Variants in TBC1D22A observed in about 807,000 individuals in gnomAD.
TBC1D22A encodes TBC1 domain family member 22A, also known as putative GTPase activator.
A neutral mutation model predicts 60.2 loss-of-function variants in TBC1D22A; 38 were observed. The observed-to-expected ratio is 0.63, with a 90% CI of 0.49 to 0.83. TBC1D22A has a LOEUF of 0.83. TBC1D22A is among the 40% of genes least tolerant of loss of function. TBC1D22A has a pLI of 0.00. For missense variants in TBC1D22A, 628 were observed against 701.0 expected, an observed-to-expected ratio of 0.90 and a Z score of 1.18; for synonymous variants, 302 against 281.7, an observed-to-expected ratio of 1.07 and a Z score of -0.72.
chr22:47,053,967 A>G (rs937995577), intron 11 of TBC1D22A, among the ~76,000 whole-genome samples: 2 of 152,234 alleles, frequency 1.3e-5, no homozygotes, highest in Admixed American at 6.5e-5. Flanking sequence ...TCTGTTGTAC[A>G]GAGGAGGAAA....
chr22:47,135,178 G>A (rs1451914792), intron 12 of TBC1D22A, among the ~76,000 whole-genome samples: 5 of 150,172 alleles, frequency 3.3e-5, no homozygotes, highest in African/African-American at 1.3e-4. Flanking sequence ...GAGCCCACCT[G>A]TGGGCAGCCG....
Position 47,057,219 on chromosome 22 carries a change from G to A in TBC1D22A, c.1329+20021G>A, listed in dbSNP as rs549801513. On this transcript the variant is annotated intron_variant, in intron 11 of 12. Transcript: ENST00000337137. The stretch of plus-strand genomic sequence containing the variant: ...CTTCCTCAGTCAGGTTGAGGCTGCC[G>A]CAAATGAGCGCTGGGCAGCTGGCTG... 3.3e-5 allele frequency among the ~76,000 whole-genome samples: 5 copies of A among 152,282 alleles called. No individual in the cohort carries two copies. The East Asian group carries it at 7.7e-4, about 24-fold the overall frequency.
At chr22:46,991,938 C>T (rs1457531679) in intron 9 of TBC1D22A, among the ~76,000 whole-genome samples, 1 of 152,200 alleles carries the variant, frequency 6.6e-6, no homozygotes, top group African/African-American at 2.4e-5. Flanking sequence ...AGACCTCACA[C>T]CCTCCAAGTG....
chr22:47,134,672 G>A (rs1295746762), intron 12 of TBC1D22A, among the ~76,000 whole-genome samples: 6 of 149,618 alleles, frequency 4.0e-5, no homozygotes, highest in Non-Finnish European at 6.0e-5. Context: ...ACGAGGCTGC[G>A]TCCTCTTGTC....
At chr22:47,171,871 C>G (rs912933609) in intron 12 of TBC1D22A, among the ~76,000 whole-genome samples, 3 of 152,100 alleles carry the variant, frequency 2.0e-5, no homozygotes, top group Non-Finnish European at 4.4e-5. Flanking sequence ...TGGAGACAGT[C>G]GCCCATGTGT....
At chr22:47,021,215 G>C (rs942092106) in intron 10 of TBC1D22A, among the ~76,000 whole-genome samples, 1 of 150,254 alleles carries the variant, frequency 6.7e-6, no homozygotes, top group Non-Finnish European at 1.5e-5. Context: ...CCTGAGCAGG[G>C]AACCTAGCAG....
At chr22:46,860,730 G>A (rs1017845817) in intron 4 of TBC1D22A, among the ~76,000 whole-genome samples, 1 of 152,188 alleles carries the variant, frequency 6.6e-6, no homozygotes, top group African/African-American at 2.4e-5. Context: ...GGCGACAGGC[G>A]TCCTGGAGAC....
chr22:47,122,792 C>T (rs563343842), intron 12 of TBC1D22A, among the ~76,000 whole-genome samples: 6 of 152,358 alleles, frequency 3.9e-5, no homozygotes, highest in African/African-American at 1.4e-4. Flanking sequence ...CACCCGTCCC[C>T]TGGCCTCGGA....
Position 47,030,850 on chromosome 22 carries a change from C to CTTAAA in TBC1D22A, c.1202-6221_1202-6220insTTAAA, listed in dbSNP as rs1396080846. On this transcript the variant is annotated intron_variant, in intron 10 of 12. Coordinates refer to ENST00000337137, the MANE Select transcript of TBC1D22A (RefSeq NM_014346.5). ...ATGGGAAGTAATGCCTGGAGTTTAGCAGCCCATCCTTCACCGTGCCCAGAC... is the reference window on the plus strand; with the variant it reads ...ATGGGAAGTAATGCCTGGAGTTTAGCTTAAAAGCCCATCCTTCACCGTGCCCAGAC... Among the ~76,000 whole-genome samples, 3 of 152,256 alleles carry CTTAAA rather than the reference C, an allele frequency of 2.0e-5. No homozygotes were observed. The South Asian group carries it at 6.2e-4, about 31-fold the overall frequency.
In TBC1D22A at chr22:47,009,265, C is replaced by T. The variant is rs1369606463; in HGVS notation, c.1201+11556C>T. ...TCATCACCATCAGCATCATCATCAC[C>T]ATCATCATGATTGTCATCACCAGCA... is the stretch of plus-strand genomic sequence containing the variant. On this transcript the variant is annotated intron_variant, in intron 10 of 12. Transcript: ENST00000337137. This position sits in a 1 kb window ranked among gnomAD's most constrained non-coding sequence, Gnocchi z 5.8. Among the ~76,000 whole-genome samples the T allele has an allele frequency of 5.3e-5, 8 of 152,218 alleles. No individual in the cohort carries two copies. Among genetic ancestry groups the T allele is most frequent in the African/African-American group, 1.9e-4 (8 of 41,534 alleles).
intron 1 of TBC1D22A, among the ~76,000 whole-genome samples, chr22:46,771,313 C>T (rs1193728029): frequency 6.6e-6 from 1 of 152,080 alleles, no homozygotes; most frequent in South Asian, 2.1e-4. Flanking sequence ...GACCACTTGT[C>T]TGTTTTTCTT....
chr22:46,792,683 GA>G, intron 2 of TBC1D22A, 107 bp downstream of exon 2: 4 of 1,606,326 alleles, frequency 2.5e-6, no homozygotes, highest in Non-Finnish European at 3.4e-6. Context: ...CCTCAGGGAG[GA>G]GACTGGTTTC....
At chr22:46,789,848 CTT>C (rs1769594627) in intron 1 of TBC1D22A, among the ~76,000 whole-genome samples, 1 of 152,060 alleles carries the variant, frequency 6.6e-6, no homozygotes, top group African/African-American at 2.4e-5. Flanking sequence ...GGATTGAAAA[CTT>C]AAGGGTAGGA....
At chr22:47,166,881 T>C (rs546575819) in intron 12 of TBC1D22A, among the ~76,000 whole-genome samples, 74 of 152,336 alleles carry the variant, frequency 4.9e-4, no homozygotes, top group African/African-American at 1.7e-3. Flanking sequence ...AGCTGCAGTG[T>C]GGGGGATGCC....
At chr22:46,888,436 T>C (rs574191875) in intron 5 of TBC1D22A, among the ~76,000 whole-genome samples, 1 of 152,244 alleles carries the variant, frequency 6.6e-6, no homozygotes, top group South Asian at 2.1e-4. Context: ...GATGTATTTG[T>C]TCATTCAGTC....
At chr22:46,834,452 G>C (rs2213757) in intron 4 of TBC1D22A, among the ~76,000 whole-genome samples, 63,920 of 151,560 alleles carry the variant, frequency 0.42, 13,400 homozygotes, top group South Asian at 0.46. Context: ...ACCCCTCCCT[G>C]AAGGCAGCAT....
At chr22:46,834,738 T>C (rs2086445886) in intron 4 of TBC1D22A, among the ~76,000 whole-genome samples, 1 of 152,214 alleles carries the variant, frequency 6.6e-6, no homozygotes, top group African/African-American at 2.4e-5. Flanking sequence ...AAGAGGCTAG[T>C]CCACAAATTT....
chr22:47,060,110 A>G (rs972334384), intron 11 of TBC1D22A, among the ~76,000 whole-genome samples: 1 of 152,116 alleles, frequency 6.6e-6, no homozygotes, highest in Non-Finnish European at 1.5e-5. Flanking sequence ...TTGTTGGTGC[A>G]TGTTTTATGC....
chr22:47,119,642 A>G (rs1156723703), intron 12 of TBC1D22A, among the ~76,000 whole-genome samples: 1 of 151,990 alleles, frequency 6.6e-6, no homozygotes, highest in East Asian at 1.9e-4. Context: ...GACTACAGGC[A>G]CGTGGCAGCA....
Sources: gnomAD v4.1 joint callset for allele counts (sites outside exome capture counted in the v4.1 genomes callset) on GRCh38, gnomAD v4.1.1 for gene constraint, Gnocchi (gnomAD v3.1) non-coding constraint, MANE v1.5 for transcripts, NCBI Gene and HGNC (gene_info 2026-07-23, HGNC 2026-07-21) for gene names.